ULK4: variants seen among roughly 807,000 people sequenced by gnomAD.
The protein encoded by ULK4 is unc-51 like kinase 4, also known as inactive serine/threonine-protein kinase ULK4.
In ULK4, 133 loss-of-function variants were observed where a neutral mutation model predicts 160.6. The observed-to-expected ratio is 0.83, with a 90% CI of 0.72 to 0.96. The LOEUF (loss-of-function observed/expected upper bound fraction) is 0.96. Ranked by LOEUF, ULK4 falls within the 40% of genes least tolerant of loss-of-function variation. ULK4 has a pLI of 0.00. For missense variants in ULK4, 1,580 were observed against 1,499.5 expected, an observed-to-expected ratio of 1.05 and a Z score of -0.89; for synonymous variants, 534 against 539.8, an observed-to-expected ratio of 0.99 and a Z score of 0.15.
At chr3:41,281,229 A>C (rs2079346447) in intron 35 of ULK4, among the ~76,000 whole-genome samples, 1 of 152,210 alleles carries the variant, frequency 6.6e-6, no homozygotes, top group Non-Finnish European at 1.5e-5. Context: ...AGGTACAAAG[A>C]GGAGCTGGTA....
intron 35 of ULK4, among the ~76,000 whole-genome samples, chr3:41,356,828 A>C (rs1362753399): frequency 6.6e-6 from 1 of 152,164 alleles, no homozygotes; most frequent in East Asian, 1.9e-4. Flanking sequence ...AAAGGAGTGA[A>C]GGGAAGAGGG....
intron 17 of ULK4, among the ~76,000 whole-genome samples, chr3:41,881,919 C>G (rs183365283): frequency 1.5e-3 from 223 of 152,280 alleles, no homozygotes; most frequent in African/African-American, 5.1e-3. Context: ...GGCCACAGAA[C>G]TCAACCTGAG....
intron 32 of ULK4, among the ~76,000 whole-genome samples, chr3:41,528,317 A>G (rs1375833378): frequency 6.6e-6 from 1 of 152,196 alleles, no homozygotes; most frequent in African/African-American, 2.4e-5. Flanking sequence ...AAGTCAATGT[A>G]TTTTATGGTT....
chr3:41,648,506 A>T (rs1245548843), intron 30 of ULK4, among the ~76,000 whole-genome samples: 1 of 152,208 alleles, frequency 6.6e-6, no homozygotes, highest in Non-Finnish European at 1.5e-5. Flanking sequence ...TATAGTTTCT[A>T]ATTACCCAAA....
intron 35 of ULK4, among the ~76,000 whole-genome samples, chr3:41,311,260 G>A (rs955610264): frequency 5.9e-5 from 9 of 152,154 alleles, no homozygotes; most frequent in South Asian, 2.1e-4. Flanking sequence ...CCGTGAGGGC[G>A]TTGCCAAAGG....
At chr3:41,646,859 T>C (rs1362539881) in intron 30 of ULK4, among the ~76,000 whole-genome samples, 2 of 152,230 alleles carry the variant, frequency 1.3e-5, no homozygotes, top group African/African-American at 4.8e-5. Context: ...TCTTTTCACA[T>C]AGTCCCATAT....
chr3:41,280,125 T>C (rs895698295), intron 35 of ULK4, among the ~76,000 whole-genome samples: 2 of 152,182 alleles, frequency 1.3e-5, no homozygotes, highest in African/African-American at 4.8e-5. Flanking sequence ...TAAATATATA[T>C]GCACCCAATA....
At chr3:41,651,113 T>G (rs973938669) in intron 30 of ULK4, among the ~76,000 whole-genome samples, 3 of 152,142 alleles carry the variant, frequency 2.0e-5, no homozygotes. Flanking sequence ...AAATTATCCT[T>G]AAGGAAGTTA....
At chr3:41,783,418 C>G (rs781267388) in intron 21 of ULK4, among the ~76,000 whole-genome samples, 33 of 151,706 alleles carry the variant, frequency 2.2e-4, no homozygotes, top group South Asian at 6.3e-4. Flanking sequence ...ATGCCTATAA[C>G]CCCAGCTACT....
intron 27 of ULK4, among the ~76,000 whole-genome samples, chr3:41,691,722 A>T (rs1465361542): frequency 6.6e-6 from 1 of 151,884 alleles, no homozygotes; most frequent in African/African-American, 2.4e-5. Context: ...ACACCAACAC[A>T]AAGAATGAGT....
chr3:41,762,308 T>G (rs1295004956), intron 21 of ULK4, among the ~76,000 whole-genome samples: 1 of 152,138 alleles, frequency 6.6e-6, no homozygotes, highest in Non-Finnish European at 1.5e-5. Context: ...CAGCTCCTGT[T>G]ACCATCATTC....
intron 29 of ULK4, among the ~76,000 whole-genome samples, chr3:41,680,201 T>C (rs2035875521): frequency 2.0e-5 from 3 of 152,204 alleles, no homozygotes; most frequent in Admixed American, 2.0e-4. Flanking sequence ...AGACATACAC[T>C]CATATATAAC....
chr3:41,263,205 A>C lies in ULK4; in HGVS notation c.3679-13631T>G, dbSNP rs3905021. ...GGTCATAAGAAGTGAGGAACAGTGT[A>C]TCTATCACGCAAACCTGATCCAAGC... On this transcript the variant is annotated intron_variant, in intron 35 of 36. Coordinates refer to ENST00000301831, the MANE Select transcript of ULK4 (RefSeq NM_017886.4). Among the ~76,000 whole-genome samples, 396 of 152,326 alleles carry C rather than the reference A, an allele frequency of 2.6e-3. 2 individuals carry two copies. Among genetic ancestry groups the C allele is most frequent in the East Asian group, 0.02 (102 of 5,176 alleles).
chr3:41,320,384 GTT>G (rs1041314115), intron 35 of ULK4, among the ~76,000 whole-genome samples: 2 of 152,172 alleles, frequency 1.3e-5, no homozygotes, highest in African/African-American at 4.8e-5. Flanking sequence ...CAAGTCAACT[GTT>G]GCAAGATCAT....
intron 34 of ULK4, among the ~76,000 whole-genome samples, chr3:41,435,921 C>A (rs1280771981): frequency 2.6e-5 from 4 of 151,404 alleles, no homozygotes; most frequent in Non-Finnish European, 4.4e-5. Flanking sequence ...GTACTCTAGC[C>A]TGGGCAACAG....
intron 19 of ULK4, among the ~76,000 whole-genome samples, chr3:41,812,623 G>A (rs964030208): frequency 2.0e-5 from 3 of 152,058 alleles, no homozygotes; most frequent in Non-Finnish European, 4.4e-5. Flanking sequence ...ACTAATCCCC[G>A]GGGGCTCCAC....
At chr3:41,671,703 A>T (rs1419749472) in intron 29 of ULK4, among the ~76,000 whole-genome samples, 1 of 152,120 alleles carries the variant, frequency 6.6e-6, no homozygotes, top group Admixed American at 6.6e-5. Flanking sequence ...CAGGCAACAT[A>T]AACAAAAATA....
intron 35 of ULK4, among the ~76,000 whole-genome samples, chr3:41,364,748 T>A (rs1377541543): frequency 6.6e-6 from 1 of 152,202 alleles, no homozygotes; most frequent in African/African-American, 2.4e-5. Context: ...CAGTCCTCTT[T>A]CCAGCAAACA....
At chr3:41,500,669 C>T (rs559345704) in intron 32 of ULK4, among the ~76,000 whole-genome samples, 7 of 152,232 alleles carry the variant, frequency 4.6e-5, no homozygotes, top group Middle Eastern at 3.4e-3. Flanking sequence ...TTCACTAGAT[C>T]CCACAGAGGC....
Sources: gnomAD v4.1 joint callset for allele counts (sites outside exome capture counted in the v4.1 genomes callset) on GRCh38, gnomAD v4.1.1 for gene constraint, MANE v1.5 for transcripts, NCBI Gene and HGNC (gene_info 2026-07-23, HGNC 2026-07-21) for gene names.